ERC1: variants seen among roughly 807,000 people sequenced by gnomAD.
ERC1 encodes ELKS/RAB6-interacting/CAST family member 1.
Under a neutral mutation model 132.0 loss-of-function variants are expected in ERC1, and 56 were observed. The observed-to-expected ratio is 0.42, with a 90% CI of 0.34 to 0.53. ERC1 has a LOEUF of 0.53. Ranked by LOEUF, ERC1 falls within the 20% of genes least tolerant of loss-of-function variation. The probability of loss-of-function intolerance (pLI) is 0.03; values close to 1 mark genes in which losing one functional copy is unlikely to be tolerated. For missense variants in ERC1, 1,202 were observed against 1,349.9 expected (o/e 0.89, Z 1.72); for synonymous variants, 478 against 476.1 (o/e 1.00, Z -0.05).
chr12:1,256,450 C>T (rs1261330788), intron 13 of ERC1, among the ~76,000 whole-genome samples: 1 of 137,866 alleles, frequency 7.3e-6, no homozygotes, highest in Admixed American at 7.1e-5. Flanking sequence ...ATTCCCCAAA[C>T]AGTCAAATGT....
intron 3 of ERC1, among the ~76,000 whole-genome samples, chr12:1,103,430 G>A (rs1410182423): frequency 6.6e-6 from 1 of 152,204 alleles, no homozygotes; most frequent in Non-Finnish European, 1.5e-5. Flanking sequence ...ATGTTTACAA[G>A]GGTCACTTGA....
intron 1 of ERC1, among the ~76,000 whole-genome samples, chr12:1,001,952 C>T (rs912503625): frequency 6.7e-6 from 1 of 149,734 alleles, no homozygotes; most frequent in Admixed American, 6.7e-5. Flanking sequence ...CCACCGTCTC[C>T]TGGGTTCAAG....
chr12:1,179,893 A>G lies in ERC1; in HGVS notation c.1738-647A>G, dbSNP rs551106927. On this transcript the variant is annotated intron_variant, in intron 8 of 18. Coordinates refer to ENST00000360905, the MANE Select transcript of ERC1 (RefSeq NM_178040.4). ...AGTAAATGAATGCATGTAAGTGTAT[A>G]TGAATGAATGGCCACAAAAATGTTT... Among the ~76,000 whole-genome samples the G allele has an allele frequency of 3.5e-4, 54 of 152,344 alleles. No individual in the cohort carries two copies. The South Asian group carries it at 0.011, about 31-fold the overall frequency.
At chr12:1,336,990 A>T (rs1172345067) in intron 15 of ERC1, among the ~76,000 whole-genome samples, 1 of 151,856 alleles carries the variant, frequency 6.6e-6, no homozygotes, top group Non-Finnish European at 1.5e-5. Flanking sequence ...TTGTTTTTGT[A>T]TTTTTGGTAG....
At chr12:1,374,324 A>C (rs904120831) in intron 16 of ERC1, among the ~76,000 whole-genome samples, 1 of 152,140 alleles carries the variant, frequency 6.6e-6, no homozygotes, top group Non-Finnish European at 1.5e-5. Context: ...TGAGGGATAT[A>C]TAGATTTGGG....
At chr12:1,149,751 G>GT (rs531636416) in intron 8 of ERC1, among the ~76,000 whole-genome samples, 4 of 152,234 alleles carry the variant, frequency 2.6e-5, no homozygotes, top group African/African-American at 9.6e-5. Context: ...CCAATATGAT[G>GT]TATAGAGACA....
chr12:1,306,884 T>C (rs2080923677), intron 15 of ERC1, among the ~76,000 whole-genome samples: 1 of 152,208 alleles, frequency 6.6e-6, no homozygotes, highest in Non-Finnish European at 1.5e-5. Flanking sequence ...TAAACTTTTA[T>C]GGATATATCA....
At chr12:1,066,605 G>A (rs528226242) in intron 2 of ERC1, among the ~76,000 whole-genome samples, 2 of 152,286 alleles carry the variant, frequency 1.3e-5, no homozygotes, top group South Asian at 2.1e-4. Context: ...GGGAGACTGA[G>A]GCAGGTGGAT....
intron 8 of ERC1, among the ~76,000 whole-genome samples, chr12:1,161,001 T>C (rs1461536672): frequency 6.6e-6 from 1 of 152,236 alleles, no homozygotes; most frequent in African/African-American, 2.4e-5. Flanking sequence ...GAATAGTCTT[T>C]GCTGTTTCTT....
chr12:1,232,999 A>C (rs972308003), intron 12 of ERC1, among the ~76,000 whole-genome samples: 24 of 152,238 alleles, frequency 1.6e-4, no homozygotes, highest in Non-Finnish European at 8.8e-5. Context: ...TTTATATGCC[A>C]GCAAATAGCC....
chr12:1,185,428 T>G (rs1030880431), intron 11 of ERC1, among the ~76,000 whole-genome samples: 1 of 132,714 alleles, frequency 7.5e-6, no homozygotes, highest in Admixed American at 7.6e-5. Context: ...TATTGAAGGT[T>G]TTTTTTTCAC....
At chr12:1,440,423 G>T (rs111903634) in intron 17 of ERC1, among the ~76,000 whole-genome samples, 1 of 146,144 alleles carries the variant, frequency 6.8e-6, no homozygotes. Context: ...AGCCAGGATG[G>T]TCTCGATCTC....
intron 1 of ERC1, among the ~76,000 whole-genome samples, chr12:1,011,817 A>G (rs1174071315): frequency 7.9e-5 from 12 of 152,000 alleles, no homozygotes; most frequent in Non-Finnish European, 1.8e-4. Flanking sequence ...TATGGTTGCA[A>G]ATGCCTGTAG....
intron 7 of ERC1, among the ~76,000 whole-genome samples, chr12:1,130,646 A>T (rs201034423): frequency 7.4e-5 from 4 of 53,904 alleles, no homozygotes; most frequent in Non-Finnish European, 1.0e-4. Context: ...TTTTTTTTTT[A>T]AACTATGTAC....
At chr12:1,236,380 T>C (rs2075413699) in intron 12 of ERC1, among the ~76,000 whole-genome samples, 1 of 152,130 alleles carries the variant, frequency 6.6e-6, no homozygotes, top group African/African-American at 2.4e-5. Flanking sequence ...AAAATTAGAG[T>C]TGTTTTACAA....
chr12:1,190,125 T>A, intron 12 of ERC1, 73 bp downstream of exon 12: 1 of 1,291,040 alleles, frequency 7.7e-7, no homozygotes, highest in South Asian at 1.2e-5. Flanking sequence ...GGGGACATAC[T>A]TTTTCAGTGT....
At chr12:1,296,503 T>C (rs1173373620) in intron 15 of ERC1, among the ~76,000 whole-genome samples, 1 of 134,586 alleles carries the variant, frequency 7.4e-6, no homozygotes, top group East Asian at 2.5e-4. Flanking sequence ...AACCTCCGCC[T>C]CCTGGGTTCA....
intron 7 of ERC1, among the ~76,000 whole-genome samples, chr12:1,126,986 C>CAAAAAAAAAAAAAAAAAAAAAAAAAA (rs71055135): frequency 2.6e-5 from 3 of 114,190 alleles, no homozygotes; most frequent in Non-Finnish European, 3.4e-5. Context: ...GATTCTGTCT[C>CAAAAAAAAAAAAAAAAAAAAAAAAAA]AAAAAAAAAA....
intron 3 of ERC1, among the ~76,000 whole-genome samples, chr12:1,090,848 G>GT (rs1428131050): frequency 0.036 from 308 of 8,670 alleles, 65 homozygotes; most frequent in Non-Finnish European, 0.18. Context: ...TATTATTATT[G>GT]TTGTTGTTGT....
Sources: gnomAD v4.1 joint callset for allele counts (sites outside exome capture counted in the v4.1 genomes callset) on GRCh38, gnomAD v4.1.1 for gene constraint, MANE v1.5 for transcripts, NCBI Gene and HGNC (gene_info 2026-07-23, HGNC 2026-07-21) for gene names.